Variants in TMEM94 observed in about 807,000 individuals in gnomAD.
TMEM94 encodes the protein transmembrane protein 94, also known as ER Mg2+ ATPase.
A neutral mutation model predicts 158.6 loss-of-function variants in TMEM94; 81 were observed. The ratio of observed to expected loss-of-function variants is 0.51; its 90% confidence interval spans 0.43 to 0.61. TMEM94 has a LOEUF of 0.61. TMEM94 is among the 20% of genes least tolerant of loss of function. TMEM94 has a pLI of 0.00. For missense variants in TMEM94, 1,435 were observed against 1,762.0 expected, an observed-to-expected ratio of 0.81 and a Z score of 3.32; for synonymous variants, 751 against 730.7, an observed-to-expected ratio of 1.03 and a Z score of -0.45.
chr17:75,482,460 C>A (rs1020361386), intron 2 of TMEM94, among the ~76,000 whole-genome samples: 1 of 151,878 alleles, frequency 6.6e-6, no homozygotes, highest in Non-Finnish European at 1.5e-5. Context: ...GCGAACCATG[C>A]CCACGCCACT....
At chr17:75,466,976 GTT>G (rs539661751) in intron 1 of TMEM94, among the ~76,000 whole-genome samples, 6 of 137,212 alleles carry the variant, frequency 4.4e-5, no homozygotes, top group African/African-American at 2.7e-5. Context: ...ATTTCTAAAG[GTT>G]TTTTTTTTTT....
chr17:75,485,630 C>T lies in TMEM94; in HGVS notation c.144+83C>T. On this transcript the variant is annotated intron_variant, in intron 3 of 31. Coordinates refer to ENST00000314256, the MANE Select transcript of TMEM94 (RefSeq NM_014738.6). The surrounding 1 kb of genome is among the most constrained non-coding windows in gnomAD (Gnocchi z 5.5). ...GGCCCCTTCTCAGGACTCTGATGTACCCTGTCACCCTGGACAGTGTGACCC... is the reference window on the plus strand; with the variant it reads ...GGCCCCTTCTCAGGACTCTGATGTATCCTGTCACCCTGGACAGTGTGACCC... The T allele has an allele frequency of 6.4e-7, 1 of 1,569,316 alleles. No homozygotes were observed. The highest frequency in any genetic ancestry group is 1.7e-5 in the Admixed American group (1 of 59,140).
chr17:75,476,875 G>A, intron 2 of TMEM94: 1 of 1,389,218 alleles, frequency 7.2e-7, no homozygotes, highest in Non-Finnish European at 9.6e-7. Context: ...GCTTGAATGA[G>A]CATGGGTAGC....
In TMEM94 at chr17:75,499,490, C is replaced by G; in HGVS notation, c.*156C>G. 2 of 702,492 alleles carry G rather than the reference C, an allele frequency of 2.8e-6. No homozygotes were observed. Among genetic ancestry groups the G allele is most frequent in the Non-Finnish European group, 4.8e-6 (2 of 415,952 alleles). The allele number at this position is 702,492 out of a possible 1,614,324, so 43.5% of individuals were successfully genotyped here. ...CCCCGTGTCAGACCCCGCTGTCTTC[C>G]TGAGCCCTGGGGCTCACTGTGGAGG... On this transcript the variant is annotated 3_prime_UTR_variant, in exon 32 of 32. Coordinates refer to ENST00000314256, the MANE Select transcript of TMEM94 (RefSeq NM_014738.6).
chr17:75,478,986 A>T (rs774758707), intron 2 of TMEM94, among the ~76,000 whole-genome samples: 11 of 152,172 alleles, frequency 7.2e-5, no homozygotes, highest in Admixed American at 5.2e-4. Context: ...TTCTCAGATA[A>T]TAAGAACTGC....
chr17:75,480,980 G>A (rs2051114140), intron 2 of TMEM94, among the ~76,000 whole-genome samples: 1 of 152,210 alleles, frequency 6.6e-6, no homozygotes, highest in South Asian at 2.1e-4. Context: ...GACACTGGAG[G>A]CCTGGGGTCT....
At position 75,498,034 on chromosome 17, in the gene TMEM94, G is replaced by T; in HGVS notation, c.3490-141G>T. On this transcript the variant is annotated intron_variant, in intron 27 of 31. Transcript: ENST00000314256. The surrounding 1 kb of genome is among the most constrained non-coding windows in gnomAD (Gnocchi z 6.7). Reference sequence around the variant, plus strand: ...AAGAGGAGGTAGTGGCACAGAGCTGGGAAAGACCCTTGCTGGGGCTTGAGC... The same window carrying T: ...AAGAGGAGGTAGTGGCACAGAGCTGTGAAAGACCCTTGCTGGGGCTTGAGC... 1 of 1,246,500 alleles carries T rather than the reference G, an allele frequency of 8.0e-7. No homozygotes were observed. The highest frequency in any genetic ancestry group is 2.4e-5 in the East Asian group (1 of 40,996). 77.2% of individuals were successfully genotyped at this position (1,246,500 alleles called of 1,614,324 possible). A position where few individuals can be genotyped will look rare whatever the true frequency, so the allele number is the denominator to read the frequency against.
In TMEM94 at chr17:75,496,517, C is replaced by T. The variant is rs373951435; in HGVS notation, c.3243+46C>T. 330 of 1,586,364 alleles carry T rather than the reference C, an allele frequency of 2.1e-4. 2 individuals carry two copies. Among genetic ancestry groups the T allele is most frequent in the Non-Finnish European group, 1.8e-4 (212 of 1,161,166 alleles). On this transcript the variant is annotated intron_variant, in intron 24 of 31. Coordinates refer to ENST00000314256, the MANE Select transcript of TMEM94 (RefSeq NM_014738.6). ...AGGAGGAGAGACGCAGGACAGGACC[C>T]GCCTGGGGTGGGAGTAGCAGCAAAG...
chr17:75,481,595 G>A (rs1430187958), intron 2 of TMEM94, among the ~76,000 whole-genome samples: 1 of 152,228 alleles, frequency 6.6e-6, no homozygotes, highest in Non-Finnish European at 1.5e-5. Flanking sequence ...GGGGGTATGT[G>A]TGGAGACAGG....
In TMEM94 at chr17:75,485,387, T is replaced by C. The variant is rs2051504485; in HGVS notation, c.25-41T>C. ...GGGGCCCGCGTGCCTTGCATAGCCTTGGCCTGGCAGTGACGCCCAGCGCCT... is the reference window on the plus strand; with the variant it reads ...GGGGCCCGCGTGCCTTGCATAGCCTCGGCCTGGCAGTGACGCCCAGCGCCT... On this transcript the variant is annotated intron_variant, in intron 2 of 31. Coordinates refer to ENST00000314256, the MANE Select transcript of TMEM94 (RefSeq NM_014738.6). This position sits in a 1 kb window ranked among gnomAD's most constrained non-coding sequence, Gnocchi z 5.5. 6.3e-6 allele frequency: 10 copies of C among 1,599,060 alleles called. No individual in the cohort carries two copies. Among genetic ancestry groups the C allele is most frequent in the Non-Finnish European group, 8.5e-6 (10 of 1,169,670 alleles).
At chr17:75,465,709 T>C in intron 1 of TMEM94, among the ~76,000 whole-genome samples, 1 of 147,508 alleles carries the variant, frequency 6.8e-6, no homozygotes, top group Admixed American at 6.8e-5. Context: ...ACTTCAAAAC[T>C]ACTTTTGCTT....
At chr17:75,464,596 TTCTTTCTTTCCTTC>T (rs2050218926) in intron 1 of TMEM94, among the ~76,000 whole-genome samples, 1 of 62,384 alleles carries the variant, frequency 1.6e-5, no homozygotes, top group South Asian at 5.8e-4. Context: ...TTTTCTTTCT[TTCTTTCTTTCCTTC>T]CTTTCTTTCT....
Position 75,485,003 on chromosome 17 carries a change from A to G in TMEM94, c.25-425A>G, listed in dbSNP as rs1241370534. On this transcript the variant is annotated intron_variant, in intron 2 of 31. Coordinates refer to ENST00000314256, the MANE Select transcript of TMEM94 (RefSeq NM_014738.6). This position sits in a 1 kb window ranked among gnomAD's most constrained non-coding sequence, Gnocchi z 5.5. The stretch of plus-strand genomic sequence containing the variant: ...CAGTGAGCCGAGATCGTGCCACTGC[A>G]CTCCAGCCTAGGAGACTAAGCAAGA... Among the ~76,000 whole-genome samples the G allele has an allele frequency of 6.6e-6, 1 of 151,134 alleles. No homozygotes were observed. The highest frequency in any genetic ancestry group is 2.1e-4 in the South Asian group (1 of 4,784).
rs1217028321 is a variant in TMEM94 at position 75,463,008 on chromosome 17, T to TA, written c.-107+6287dup. 3.5e-4 allele frequency among the ~76,000 whole-genome samples: 2 copies of TA among 5,684 alleles called. 1 individual carries two copies. The highest frequency in any genetic ancestry group is 3.7e-3 in the African/African-American group (2 of 540). 3.7% of individuals were successfully genotyped at this position (5,684 alleles called of 152,430 possible). A position where few individuals can be genotyped will look rare whatever the true frequency, so the allele number is the denominator to read the frequency against. On this transcript the variant is annotated intron_variant, in intron 1 of 31. Coordinates refer to ENST00000314256, the MANE Select transcript of TMEM94 (RefSeq NM_014738.6). ...GACATGTCTCCAAAAATAAAAAAAGTAAAAAAAAAAAAAAAAAAAAAAAAA... is the reference window on the plus strand; with the variant it reads ...GACATGTCTCCAAAAATAAAAAAAGTAAAAAAAAAAAAAAAAAAAAAAAAAA...
intron 1 of TMEM94, among the ~76,000 whole-genome samples, chr17:75,463,407 C>T (rs1333786910): frequency 1.3e-5 from 2 of 151,688 alleles, no homozygotes; most frequent in African/African-American, 4.9e-5. Flanking sequence ...TTTCTCACGT[C>T]TTAGTTTCTC....
At chr17:75,497,714 C>A in intron 26 of TMEM94, 67 bp from the exon 27 acceptor site, 1 of 1,301,076 alleles carries the variant, frequency 7.7e-7, no homozygotes. Flanking sequence ...CCTAGAGGTT[C>A]CCTCTATGAG....
At position 75,486,386 on chromosome 17, in the gene TMEM94, G is replaced by C. The variant is rs762590513; in HGVS notation, c.369G>C (p.Glu123Asp). ...IGRQDRLKRR[E>D]VERRLRGIID... ...GGCAAGACCGGCTGAAGCGTCGGGAGGTAGAGCGGAGGCTGCGAGGGATCA... is the reference window on the plus strand; with the variant it reads ...GGCAAGACCGGCTGAAGCGTCGGGACGTAGAGCGGAGGCTGCGAGGGATCA... Residue 123 changes from glutamate to aspartate, a missense_variant, in exon 5 of 32, where the codon GAG becomes GAC. This residue lies in a region of TMEM94 where 1,051 missense variants were observed against 1,254.4 expected (regional missense o/e 0.84). Coordinates refer to ENST00000314256, the MANE Select transcript of TMEM94 (RefSeq NM_014738.6). 1 of 1,614,220 alleles carries C rather than the reference G, an allele frequency of 6.2e-7. No individual in the cohort carries two copies.
At position 75,492,305 on chromosome 17, in the gene TMEM94, A is replaced by G; in HGVS notation, c.1597-169A>G. On this transcript the variant is annotated intron_variant, in intron 14 of 31. Transcript: ENST00000314256. This position sits in a 1 kb window ranked among gnomAD's most constrained non-coding sequence, Gnocchi z 4.4. Reference sequence around the variant, plus strand: ...CAGACAGGAGCCCAAGAAGGACAGGAAGCGGATTTCAGGAGGGAGCGGGTG... The same window carrying G: ...CAGACAGGAGCCCAAGAAGGACAGGGAGCGGATTTCAGGAGGGAGCGGGTG... 5 of 1,429,280 alleles carry G rather than the reference A, an allele frequency of 3.5e-6. No individual in the cohort carries two copies. The highest frequency in any genetic ancestry group is 4.6e-6 in the Non-Finnish European group (5 of 1,096,546). The allele number at this position is 1,429,280 out of a possible 1,614,324, so 88.5% of individuals were successfully genotyped here. A position where few individuals can be genotyped will look rare whatever the true frequency, so the allele number is the denominator to read the frequency against.
At chr17:75,457,290 C>G (rs1235826337) in intron 1 of TMEM94, 1 of 152,318 alleles carries the variant, frequency 6.6e-6, no homozygotes, top group Non-Finnish European at 1.5e-5. Context: ...TTCCGCCTTT[C>G]CAGAAGCGTT....
Sources: allele counts gnomAD v4.1 joint callset (sites outside exome capture counted in the v4.1 genomes callset), GRCh38; gene constraint gnomAD v4.1.1; regional missense constraint gnomAD v4.1.1; non-coding constraint Gnocchi (gnomAD v3.1); transcripts MANE v1.5; gene names NCBI Gene and HGNC (gene_info 2026-07-23, HGNC 2026-07-21).